The following TYRP1 variants were observed in gnomAD, a reference collection of about 807,000 sequenced individuals.
The protein encoded by TYRP1 is 5,6-dihydroxyindole-2-carboxylic acid oxidase.
TYRP1 carries 49 observed loss-of-function variants against 42.8 expected under a neutral mutation model. The ratio of observed to expected loss-of-function variants is 1.14; its 90% CI spans 0.91 to 1.45. The LOEUF is 1.45. Among genes scored for constraint, TYRP1 ranks in the 40% most tolerant of loss-of-function variants. TYRP1 has a pLI of 0.00. For missense variants in TYRP1, 848 were observed against 662.0 expected (o/e 1.28, Z -3.08); for synonymous variants, 279 against 235.4 (o/e 1.19, Z -1.69).
Position 12,694,030 on chromosome 9 carries a change from ATCT to A in TYRP1, c.40_42del (p.Phe14del), listed in dbSNP as rs1818035525. The A allele has an allele frequency of 6.2e-7, 1 of 1,613,958 alleles. No individual in the cohort carries two copies. Among genetic ancestry groups the A allele is most frequent in the Non-Finnish European group, 8.5e-7 (1 of 1,179,994 alleles). On this transcript the variant is annotated inframe_deletion, in exon 2 of 8. Coordinates refer to ENST00000388918, the MANE Select transcript of TYRP1 (RefSeq NM_000550.3). ...TCCTAAACTCCTCTCTCTGGGCTGTATCTTCTTCCCCTTGCTACTTTTTCAGCA... is the reference window on the plus strand; with the variant it reads ...TCCTAAACTCCTCTCTCTGGGCTGTATCTTCCCCTTGCTACTTTTTCAGCA...
intron 2 of TYRP1, 107 bp from the exon 3 acceptor site, chr9:12,695,408 G>A: frequency 9.8e-7 from 1 of 1,019,890 alleles, no homozygotes; most frequent in Non-Finnish European, 1.5e-6. Flanking sequence ...AAACACATTT[G>A]AACAGATGGA....
At chr9:12,707,826 T>TTATG (rs1334326876) in intron 6 of TYRP1, 171 bp from the exon 7 acceptor site, 6 of 633,082 alleles carry the variant, frequency 9.5e-6, no homozygotes, top group Non-Finnish European at 5.4e-6. Context: ...ATTTTCTGTT[T>TTATG]TATGTAATTT....
intron 4 of TYRP1, among the ~76,000 whole-genome samples, chr9:12,701,371 A>G (rs1032843243): frequency 2.6e-5 from 4 of 152,022 alleles, no homozygotes; most frequent in African/African-American, 9.6e-5. Flanking sequence ...ATATAATGAC[A>G]GGCACCAAAC....
At chr9:12,697,139 T>C (rs1818091322) in intron 3 of TYRP1, among the ~76,000 whole-genome samples, 6 of 152,174 alleles carry the variant, frequency 3.9e-5, no homozygotes, top group Non-Finnish European at 8.8e-5. Context: ...TCATTTGTAA[T>C]TGACTGCAGA....
In TYRP1 at chr9:12,709,686, A is replaced by C. The variant is rs1818326492; in HGVS notation, c.*504A>C. The C allele has an allele frequency of 6.2e-6, 1 of 162,084 alleles. No homozygotes were observed. Among genetic ancestry groups the C allele is most frequent in the South Asian group, 1.7e-4 (1 of 5,962 alleles). The allele number at this position is 162,084 out of a possible 1,614,324, so 10.0% of individuals were successfully genotyped here. ...GTAGTTATAAACCAATGAAATTTTG[A>C]TTAACCTTTTCAAATTAATGTTCCA... On this transcript the variant is annotated 3_prime_UTR_variant, in exon 8 of 8. Coordinates refer to ENST00000388918, the MANE Select transcript of TYRP1 (RefSeq NM_000550.3).
chr9:12,709,203 G>A lies in TYRP1; in HGVS notation c.*21G>A, dbSNP rs770322083. On this transcript the variant is annotated 3_prime_UTR_variant, in exon 8 of 8. Transcript: ENST00000388918. ...TCTAACAAATGCCCTACTCTCTTATGCATTAGTATCACAAAACCACCTGGT... is the reference window on the plus strand; with the variant it reads ...TCTAACAAATGCCCTACTCTCTTATACATTAGTATCACAAAACCACCTGGT... 16 of 1,608,368 alleles carry A rather than the reference G, an allele frequency of 9.9e-6. No homozygotes were observed. The highest frequency in any genetic ancestry group is 8.4e-5 in the Admixed American group (5 of 59,774).
At chr9:12,702,899 C>T (rs539426677) in intron 5 of TYRP1, among the ~76,000 whole-genome samples, 2 of 152,014 alleles carry the variant, frequency 1.3e-5, no homozygotes, top group Non-Finnish European at 2.9e-5. Flanking sequence ...CCGTATTAAC[C>T]TGTAACTTTT....
intron 7 of TYRP1, 104 bp downstream of exon 7, chr9:12,708,247 G>T (rs1308728649): frequency 1.4e-6 from 2 of 1,415,874 alleles, no homozygotes; most frequent in Non-Finnish European, 2.0e-6. Context: ...TTTCCATTTG[G>T]ACTTGGAAAC....
intron 4 of TYRP1, chr9:12,700,049 T>C (rs1200185089): frequency 6.6e-6 from 1 of 152,136 alleles, no homozygotes; most frequent in African/African-American, 2.4e-5. Flanking sequence ...AGATTATCCC[T>C]TGTCTCACTG....
intron 7 of TYRP1, 61 bp downstream of exon 7, chr9:12,708,204 A>T: frequency 1.3e-6 from 2 of 1,579,258 alleles, no homozygotes; most frequent in Non-Finnish European, 8.7e-7. Context: ...GTTATCTTTC[A>T]AGTAGAGTAA....
intron 4 of TYRP1, chr9:12,700,568 C>CCATA (rs1422926108): frequency 6.6e-6 from 1 of 151,942 alleles, no homozygotes; most frequent in Non-Finnish European, 1.5e-5. Context: ...GGACTTTGGT[C>CCATA]CATAGGATGT....
At chr9:12,697,411 A>T (rs556116381) in intron 3 of TYRP1, among the ~76,000 whole-genome samples, 1 of 152,234 alleles carries the variant, frequency 6.6e-6, no homozygotes, top group African/African-American at 2.4e-5. Context: ...GCTGTCACTA[A>T]TTTTTGTGAA....
rs145119080 is a variant in TYRP1 at position 12,697,600 on chromosome 9, C to T, written c.709-851C>T. The stretch of plus-strand genomic sequence containing the variant: ...CTTGAGAGATAAGATAAAACAATTG[C>T]AATCCCTACATTTAAATCCCATACC... On this transcript the variant is annotated intron_variant, in intron 3 of 7. Coordinates refer to ENST00000388918, the MANE Select transcript of TYRP1 (RefSeq NM_000550.3). 3.9e-5 allele frequency among the ~76,000 whole-genome samples: 6 copies of T among 152,206 alleles called. No individual in the cohort carries two copies. In the East Asian group the frequency reaches 1.2e-3, roughly 29 times the overall value.
At chr9:12,698,327 A>C (rs1403603112) in intron 3 of TYRP1, 124 bp from the exon 4 acceptor site, 1 of 944,282 alleles carries the variant, frequency 1.1e-6, no homozygotes, top group Non-Finnish European at 1.7e-6. Context: ...CACCGTTGAT[A>C]TACTAACCAG....
intron 4 of TYRP1, 122 bp downstream of exon 4, chr9:12,698,777 G>T: frequency 1.1e-6 from 1 of 941,182 alleles, no homozygotes; most frequent in Middle Eastern, 2.9e-4. Context: ...TTATTATAGA[G>T]TAACAGTGTA....
chr9:12,706,585 C>A (rs1443962010), intron 6 of TYRP1, among the ~76,000 whole-genome samples: 1 of 151,914 alleles, frequency 6.6e-6, no homozygotes, highest in African/African-American at 2.4e-5. Context: ...GGAAACTACC[C>A]TGCAGCACAT....
At chr9:12,707,129 A>G (rs1026587747) in intron 6 of TYRP1, among the ~76,000 whole-genome samples, 2 of 151,936 alleles carry the variant, frequency 1.3e-5, no homozygotes, top group Non-Finnish European at 2.9e-5. Flanking sequence ...TTTTATTTCA[A>G]CTGAGAATTA....
chr9:12,708,900 TA>T, intron 7 of TYRP1, 76 bp from the exon 8 acceptor site: 1 of 1,314,290 alleles, frequency 7.6e-7, no homozygotes, highest in Non-Finnish European at 1.1e-6. Context: ...TAGACATTTC[TA>T]AATTTCATCT....
chr9:12,707,003 C>T (rs537428463), intron 6 of TYRP1, among the ~76,000 whole-genome samples: 2 of 151,826 alleles, frequency 1.3e-5, no homozygotes, highest in Non-Finnish European at 2.9e-5. Context: ...TTACAGGTTC[C>T]TTTCATTAGA....
Sources: allele counts gnomAD v4.1 joint callset (sites outside exome capture counted in the v4.1 genomes callset), GRCh38; gene constraint gnomAD v4.1.1; transcripts MANE v1.5; gene names NCBI Gene and HGNC (gene_info 2026-07-23, HGNC 2026-07-21).